Variants in HEY2 observed in about 807,000 individuals in gnomAD.
HEY2 encodes the protein hairy/enhancer-of-split related with YRPW motif protein 2.
Under a neutral mutation model 18.1 loss-of-function variants are expected in HEY2, and 10 were observed. The observed-to-expected ratio is 0.55, with a 90% CI of 0.34 to 0.94. The LOEUF is 0.94. Among genes scored for constraint, HEY2 ranks in the 40% least tolerant of loss-of-function variants. The pLI is 0.02. For synonymous variants in HEY2, 210 were observed against 182.7 expected (o/e 1.15, Z -1.21); for missense variants, 455 against 455.9 (o/e 1.00, Z 0.02).
chr6:125,750,963 A>T (rs942723868), intron 1 of HEY2, among the ~76,000 whole-genome samples: 3 of 152,250 alleles, frequency 2.0e-5, no homozygotes, highest in Non-Finnish European at 2.9e-5. Flanking sequence ...GTATCCATGA[A>T]TTATGAAGAG....
At chr6:125,754,272 G>A (rs1394713742) in intron 3 of HEY2, among the ~76,000 whole-genome samples, 193 bp from the exon 4 acceptor site, 1 of 152,152 alleles carries the variant, frequency 6.6e-6, no homozygotes, top group Non-Finnish European at 1.5e-5. Context: ...GCAAATACTT[G>A]TCATTAGGTA....
At chr6:125,754,698 C>G in intron 4 of HEY2, 152 bp downstream of exon 4, 1 of 442,140 alleles carries the variant, frequency 2.3e-6, no homozygotes. Flanking sequence ...GAAATCAATG[C>G]TAATGGCAGG....
At chr6:125,755,238 G>A (rs1199114850) in intron 4 of HEY2, among the ~76,000 whole-genome samples, 1 of 152,120 alleles carries the variant, frequency 6.6e-6, no homozygotes, top group Non-Finnish European at 1.5e-5. Context: ...GGGAGTAATT[G>A]TCGAGGTGGT....
chr6:125,752,138 C>CAA, intron 3 of HEY2, 48 bp downstream of exon 3: 1 of 1,085,766 alleles, frequency 9.2e-7, no homozygotes, highest in South Asian at 1.4e-5. Context: ...CGCCACCCCC[C>CAA]AAAAAAAAGC....
At chr6:125,751,697 T>C in intron 1 of HEY2, 104 bp from the exon 2 acceptor site, 1 of 753,734 alleles carries the variant, frequency 1.3e-6, no homozygotes, top group Non-Finnish European at 2.2e-6. Context: ...TAACACAGAC[T>C]TGAACTGTGC....
chr6:125,755,162 A>T (rs1469051828), intron 4 of HEY2, among the ~76,000 whole-genome samples: 2 of 152,116 alleles, frequency 1.3e-5, no homozygotes, highest in Non-Finnish European at 2.9e-5. Flanking sequence ...TGGGGAAAGC[A>T]AACAGGAGCA....
chr6:125,753,874 T>C (rs1343402836), intron 3 of HEY2, among the ~76,000 whole-genome samples: 3 of 152,294 alleles, frequency 2.0e-5, no homozygotes, highest in African/African-American at 7.2e-5. Flanking sequence ...GAAAAAAACC[T>C]TAAAAGTCGT....
intron 4 of HEY2, 31 bp from the exon 5 acceptor site, chr6:125,759,086 T>C (rs1486205531): frequency 6.5e-7 from 1 of 1,540,112 alleles, no homozygotes; most frequent in Non-Finnish European, 8.8e-7. Context: ...ATCTCTCTCC[T>C]GTTCCCTACT....
In HEY2 at chr6:125,759,860, A is replaced by T. The variant is rs1201880326; in HGVS notation, c.*58A>T. The T allele has an allele frequency of 1.4e-6, 2 of 1,429,366 alleles. No individual in the cohort carries two copies. Among genetic ancestry groups the T allele is most frequent in the Admixed American group, 3.6e-5 (2 of 55,012 alleles). The allele number at this position is 1,429,366 out of a possible 1,614,324, so 88.5% of individuals were successfully genotyped here. A position where few individuals can be genotyped will look rare whatever the true frequency, so the allele number is the denominator to read the frequency against. The stretch of plus-strand genomic sequence containing the variant: ...ATGTCCTCCATTTCAGAGTCAGCTT[A>T]AAACCTCTGCACCCTGAAGGTAGCC... On this transcript the variant is annotated 3_prime_UTR_variant, in exon 5 of 5. Transcript: ENST00000368364.
rs1773545945 is a variant in HEY2 at position 125,751,709 on chromosome 6, A to G, written c.84-92A>G. On this transcript the variant is annotated intron_variant, in intron 1 of 4. Transcript: ENST00000368364. The stretch of plus-strand genomic sequence containing the variant: ...AAATAACACAGACTTGAACTGTGCA[A>G]TCACTCTGAATATTTAATGGGTGCC... 4 of 813,978 alleles carry G rather than the reference A, an allele frequency of 4.9e-6. No homozygotes were observed. In the South Asian group the frequency reaches 6.4e-5, roughly 13 times the overall value. The allele number at this position is 813,978 out of a possible 1,614,324, so 50.4% of individuals were successfully genotyped here. A position where few individuals can be genotyped will look rare whatever the true frequency, so the allele number is the denominator to read the frequency against.
At chr6:125,754,642 C>A in intron 4 of HEY2, 96 bp downstream of exon 4, 2 of 600,866 alleles carry the variant, frequency 3.3e-6, no homozygotes. Context: ...CATAGCTGAA[C>A]AGTTCTTTAA....
Position 125,759,328 on chromosome 6 carries a change from C to T in HEY2, c.540C>T (p.Leu180=). The T allele has an allele frequency of 6.2e-7, 1 of 1,604,882 alleles. No individual in the cohort carries two copies. Among genetic ancestry groups the T allele is most frequent in the Non-Finnish European group, 8.5e-7 (1 of 1,178,308 alleles). Residue 180 remains leucine, a synonymous_variant, in exon 5 of 5, where the codon CTC becomes CTT. Coordinates refer to ENST00000368364, the MANE Select transcript of HEY2 (RefSeq NM_012259.3). ...TSSMAHHHHP[L]HPHHWAAAFH... is the part of the protein sequence containing the mutation. Reference sequence around the variant, plus strand: ...CCATGGCCCACCACCATCATCCGCTCCACCCGCATCACTGGGCCGCCGCCT... The same window carrying T: ...CCATGGCCCACCACCATCATCCGCTTCACCCGCATCACTGGGCCGCCGCCT...
rs1409111126 is a variant in HEY2 at position 125,760,948 on chromosome 6, T to C, written c.*1146T>C. ...TACATAAGTTATTTTTGCCCATGCC[T>C]AAACTAGTGCTATGTAATGGGGTTG... On this transcript the variant is annotated 3_prime_UTR_variant, in exon 5 of 5. Coordinates refer to ENST00000368364, the MANE Select transcript of HEY2 (RefSeq NM_012259.3). 6.6e-6 allele frequency: 1 copy of C among 152,656 alleles called. No homozygotes were observed. The highest frequency in any genetic ancestry group is 1.5e-5 in the Non-Finnish European group (1 of 68,026). The allele number at this position is 152,656 out of a possible 1,614,324, so 9.5% of individuals were successfully genotyped here.
Position 125,751,994 on chromosome 6 carries a change from T to C in HEY2, c.163-13T>C, listed in dbSNP as rs193035394. The C allele has an allele frequency of 9.3e-3, 14,987 of 1,610,684 alleles. 90 individuals are homozygous for C. The highest frequency in any genetic ancestry group is 9.8e-3 in the Non-Finnish European group (11,526 of 1,177,200). On this transcript the variant is annotated splice_polypyrimidine_tract_variant and intron_variant, in intron 2 of 4. Coordinates refer to ENST00000368364, the MANE Select transcript of HEY2 (RefSeq NM_012259.3). ...GAATTCATAAACTTTTGTTGTTTGC[T>C]TCTTTTGGATAGATTATAGAGAAAA...
At chr6:125,756,927 T>G (rs892816119) in intron 4 of HEY2, among the ~76,000 whole-genome samples, 2 of 152,220 alleles carry the variant, frequency 1.3e-5, no homozygotes, top group African/African-American at 4.8e-5. Flanking sequence ...GGGAGCTACT[T>G]ATCATCATTT....
chr6:125,759,057 TC>T (rs2050280840), intron 4 of HEY2, 59 bp from the exon 5 acceptor site: 1 of 1,332,472 alleles, frequency 7.5e-7, no homozygotes, highest in Admixed American at 2.2e-5. Flanking sequence ...TACCATTTTC[TC>T]ACCCCTACCT....
At chr6:125,755,040 T>A (rs1773628935) in intron 4 of HEY2, among the ~76,000 whole-genome samples, 2 of 152,212 alleles carry the variant, frequency 1.3e-5, no homozygotes, top group African/African-American at 4.8e-5. Context: ...AGAGTTATTT[T>A]CATTATTGTT....
rs773396810 is a variant in HEY2 at position 125,759,578 on chromosome 6, G to A, written c.790G>A (p.Val264Ile). The A allele has an allele frequency of 2.5e-6, 4 of 1,610,308 alleles. No individual in the cohort carries two copies. Among genetic ancestry groups the A allele is most frequent in the Admixed American group, 1.7e-5 (1 of 59,992 alleles). The change falls in exon 5 of 5, where the codon GTC becomes ATC. Residue 264 changes from valine (V) to isoleucine (I), a missense_variant. Coordinates refer to ENST00000368364, the MANE Select transcript of HEY2 (RefSeq NM_012259.3). ...STSLLSLSAT[V>I]HAAAAAATAA... The stretch of plus-strand genomic sequence containing the variant: ...CTCTCTCTTGTCCCTCTCTGCCACC[G>A]TCCACGCCGCAGCCGCAGCAGCCAC...
At position 125,752,008 on chromosome 6, in the gene HEY2, T is replaced by C. The variant is rs1773552759; in HGVS notation, c.164T>C (p.Ile55Thr). The change falls in exon 3 of 5, where the codon ATT (isoleucine) becomes ACT (threonine). Residue 55 changes from isoleucine to threonine, a missense_variant and splice_region_variant. Coordinates refer to ENST00000368364, the MANE Select transcript of HEY2 (RefSeq NM_012259.3). ...TTGTTGTTTGCTTCTTTTGGATAGA[T>C]TATAGAGAAAAGGCGTCGGGATCGG... ...QIMARKKRRG[I>T]IEKRRRDRIN... is the part of the protein sequence containing the mutation. 2 of 1,612,698 alleles carry C rather than the reference T, an allele frequency of 1.2e-6. No individual in the cohort carries two copies. Among genetic ancestry groups the C allele is most frequent in the Non-Finnish European group, 1.7e-6 (2 of 1,178,702 alleles).
Sources: allele counts gnomAD v4.1 joint callset (sites outside exome capture counted in the v4.1 genomes callset), GRCh38; gene constraint gnomAD v4.1.1; transcripts MANE v1.5; gene names NCBI Gene and HGNC (gene_info 2026-07-23, HGNC 2026-07-21).